Variants in NAALADL2 observed in about 807,000 individuals in gnomAD.
NAALADL2 encodes N-acetylated alpha-linked acidic dipeptidase like 2.
Under a neutral mutation model 87.2 loss-of-function variants are expected in NAALADL2, and 76 were observed. That is an observed-to-expected ratio of 0.87 (90% confidence interval 0.72 to 1.05). The LOEUF (loss-of-function observed/expected upper bound fraction) is 1.05, where lower values mean the gene tolerates loss of function less well. Ranked by LOEUF, NAALADL2 falls within the 50% of genes least tolerant of loss-of-function variation. NAALADL2 has a pLI of 0.00. For missense variants in NAALADL2, 1,089 were observed against 945.8 expected (o/e 1.15, Z -1.99); for synonymous variants, 354 against 331.0 (o/e 1.07, Z -0.75).
In NAALADL2 at chr3:175,138,357, C is replaced by T. The variant is rs542071768; in HGVS notation, c.545+41066C>T. Among the ~76,000 whole-genome samples, 8 of 152,266 alleles carry T rather than the reference C, an allele frequency of 5.3e-5. No homozygotes were observed. The East Asian group carries it at 1.4e-3, about 26-fold the overall frequency. On this transcript the variant is annotated intron_variant, in intron 2 of 13. Transcript: ENST00000454872. ...AAGAGCCACAACTTCTTATCCAAAA[C>T]TCCTGGGGGCAGGTATGCTGACGTT...
intron 6 of NAALADL2, among the ~76,000 whole-genome samples, chr3:175,458,223 G>C (rs1581969200): frequency 6.6e-6 from 1 of 152,062 alleles, no homozygotes; most frequent in East Asian, 1.9e-4. Context: ...TTCATCTATT[G>C]CTATTGAAGT....
chr3:175,737,313 G>A lies in NAALADL2; in HGVS notation c.1904G>A (p.Gly635Glu), dbSNP rs1285246635. The change falls in exon 12 of 14, where the codon GGA becomes GAA. Residue 635 changes from glycine (G) to glutamate (E), a missense_variant. Transcript: ENST00000454872. ...NLHETITKLS[G>E]EVILQIANEP... is the part of the protein sequence containing the mutation. Reference sequence around the variant, plus strand: ...TTTCCTTTTTTCTTTCAGCTCTCAGGAGAAGTGATTTTGCAAATTGCCAAC... The same window carrying A: ...TTTCCTTTTTTCTTTCAGCTCTCAGAAGAAGTGATTTTGCAAATTGCCAAC... The A allele has an allele frequency of 2.5e-6, 4 of 1,599,696 alleles. No homozygotes were observed. The highest frequency in any genetic ancestry group is 2.2e-5 in the East Asian group (1 of 44,722).
At chr3:175,195,663 A>G (rs1366240090) in intron 2 of NAALADL2, among the ~76,000 whole-genome samples, 3 of 151,944 alleles carry the variant, frequency 2.0e-5, no homozygotes, top group South Asian at 4.1e-4. Context: ...ATTTTGAGTT[A>G]GGTCTATAGG....
rs189462265 is a variant in NAALADL2 at position 175,397,081 on chromosome 3, G to A, written c.1091-50148G>A. The stretch of plus-strand genomic sequence containing the variant: ...ATACTTAGTGGCATTTTCGTATTAT[G>A]GAGTCATTAACAGTGTGATTGCCGT... On this transcript the variant is annotated intron_variant, in intron 5 of 13. Transcript: ENST00000454872. Among the ~76,000 whole-genome samples the A allele has an allele frequency of 1.5e-3, 226 of 152,014 alleles. 1 individual carries two copies. The highest frequency in any genetic ancestry group is 5.2e-3 in the African/African-American group (214 of 41,456).
chr3:174,841,117 A>G (rs191806490), intron 3 of NAALADL2, among the ~76,000 whole-genome samples: 2,535 of 152,260 alleles, frequency 0.017, 70 homozygotes, highest in African/African-American at 0.058. Context: ...TAACAAATCA[A>G]AGAAAACCTA....
chr3:175,057,622 A>G (rs1269102856), intron 1 of NAALADL2, among the ~76,000 whole-genome samples: 2 of 152,172 alleles, frequency 1.3e-5, no homozygotes, highest in Admixed American at 1.3e-4. Flanking sequence ...TTGCTGTTTA[A>G]TTAGGCTGTC....
intron 11 of NAALADL2, among the ~76,000 whole-genome samples, chr3:175,693,990 G>C (rs114531130): frequency 2.2e-4 from 34 of 152,186 alleles, no homozygotes; most frequent in African/African-American, 7.5e-4. Flanking sequence ...ACCGTGCCTG[G>C]CCAGTCTGAT....
chr3:175,220,250 A>C (rs1056462413), intron 2 of NAALADL2, among the ~76,000 whole-genome samples: 6 of 151,910 alleles, frequency 3.9e-5, no homozygotes, highest in African/African-American at 9.7e-5. Flanking sequence ...GTTTTGGACA[A>C]TTCCATTTTA....
intron 2 of NAALADL2, among the ~76,000 whole-genome samples, chr3:174,624,039 ATAT>A (rs533358202): frequency 9.3e-4 from 141 of 152,340 alleles, no homozygotes; most frequent in African/African-American, 3.1e-3. Flanking sequence ...ATAGTTTAAA[ATAT>A]TATTCAGAAA....
chr3:174,824,561 A>G (rs1339570608), intron 3 of NAALADL2, among the ~76,000 whole-genome samples: 2 of 152,232 alleles, frequency 1.3e-5, no homozygotes, highest in Non-Finnish European at 2.9e-5. Flanking sequence ...ACAAGATTTT[A>G]TATATCATGC....
At chr3:174,505,849 A>G (rs1223630312) in intron 1 of NAALADL2, among the ~76,000 whole-genome samples, 1 of 152,180 alleles carries the variant, frequency 6.6e-6, no homozygotes, top group African/African-American at 2.4e-5. Flanking sequence ...ATGGTCTGTA[A>G]AAATCTTTTT....
At chr3:175,782,880 G>C (rs1401897126) in intron 13 of NAALADL2, among the ~76,000 whole-genome samples, 5 of 146,690 alleles carry the variant, frequency 3.4e-5, no homozygotes, top group African/African-American at 1.3e-4. Flanking sequence ...ATTGATTTTT[G>C]TATAAGGTGT....
At position 174,590,206 on chromosome 3, in the gene NAALADL2, G is replaced by C. The variant is rs531019101; in HGVS notation, c.-115+39569G>C. Among the ~76,000 whole-genome samples, 11 of 151,788 alleles carry C rather than the reference G, an allele frequency of 7.2e-5. No individual in the cohort carries two copies. In the South Asian group the frequency reaches 2.3e-3, roughly 32 times the overall value. ...ACAGTTATATGCAAAGTTTTATAAG[G>C]ATATCTTGGTAATCAGCTCAACTAG... is the stretch of plus-strand genomic sequence containing the variant. On this transcript the variant is annotated intron_variant, in intron 2 of 3. Transcript: ENST00000434257.
At chr3:175,080,596 A>C (rs577481066) in intron 1 of NAALADL2, among the ~76,000 whole-genome samples, 1 of 152,336 alleles carries the variant, frequency 6.6e-6, no homozygotes, top group African/African-American at 2.4e-5. Context: ...AAGCATTGAA[A>C]TCTTACACAT....
At chr3:174,491,157 C>T (rs1428802710) in intron 1 of NAALADL2, among the ~76,000 whole-genome samples, 1 of 152,076 alleles carries the variant, frequency 6.6e-6, no homozygotes, top group African/African-American at 2.4e-5. Flanking sequence ...TCTGAAAGTA[C>T]ACTATGAACC....
chr3:174,610,255 G>A (rs1370396961), intron 2 of NAALADL2, among the ~76,000 whole-genome samples: 4 of 151,858 alleles, frequency 2.6e-5, no homozygotes, highest in African/African-American at 9.7e-5. Flanking sequence ...ATAGGCATGG[G>A]CAAGGACTTC....
chr3:175,241,357 A>G (rs1746840427), intron 3 of NAALADL2, among the ~76,000 whole-genome samples: 1 of 152,094 alleles, frequency 6.6e-6, no homozygotes. Flanking sequence ...AGTAACTAGG[A>G]CTACAGGCAT....
In NAALADL2 at chr3:174,625,351, C is replaced by T. The variant is rs904080925; in HGVS notation, c.-115+74714C>T. On this transcript the variant is annotated intron_variant, in intron 2 of 3. Coordinates refer to the NAALADL2 transcript ENST00000434257. ...AGTACTACAGCCATAAGCCACCACG[C>T]CTGGCCTATAAGTTTATTTGATGTA... 4.6e-5 allele frequency among the ~76,000 whole-genome samples: 7 copies of T among 151,942 alleles called. No homozygotes were observed. In the South Asian group the frequency reaches 6.2e-4, roughly 14 times the overall value.
chr3:175,197,967 C>A (rs1460337265), intron 2 of NAALADL2, among the ~76,000 whole-genome samples: 3 of 151,992 alleles, frequency 2.0e-5, no homozygotes, highest in Non-Finnish European at 4.4e-5. Context: ...ACAGTACTTT[C>A]TTTTTTAAAA....
Sources: gnomAD v4.1 joint callset for allele counts (sites outside exome capture counted in the v4.1 genomes callset) on GRCh38, gnomAD v4.1.1 for gene constraint, MANE v1.5 for transcripts, NCBI Gene and HGNC (gene_info 2026-07-23, HGNC 2026-07-21) for gene names.